Variants in TJP2 observed in about 807,000 individuals in gnomAD.
The protein encoded by TJP2 is Friedreich ataxia region gene X104 (tight junction protein ZO-2).
In TJP2, 91 loss-of-function variants were observed where a neutral mutation model predicts 133.1. The ratio of observed to expected loss-of-function variants is 0.68; its 90% CI spans 0.58 to 0.81. TJP2 has a LOEUF of 0.81. TJP2 is among the 40% of genes least tolerant of loss of function. TJP2 has a pLI of 0.00. For missense variants in TJP2, 1,541 were observed against 1,565.6 expected (o/e 0.98, Z 0.26); for synonymous variants, 592 against 583.4 (o/e 1.01, Z -0.21).
chr9:69,229,044 G>A (rs759325899), intron 9 of TJP2, 140 bp from the exon 10 acceptor site: 45 of 783,236 alleles, frequency 5.7e-5, no homozygotes, highest in Non-Finnish European at 8.9e-5. Context: ...AGAGTTAAAC[G>A]GCACTTTAGA....
intron 1 of TJP2, among the ~76,000 whole-genome samples, chr9:69,176,699 C>A (rs901006644): frequency 6.6e-6 from 1 of 152,172 alleles, no homozygotes; most frequent in Admixed American, 6.6e-5. Context: ...AACTTTTGAT[C>A]TAGTTCTTTG....
At chr9:69,173,915 T>G (rs1271674689), upstream of TJP2, 1 of 981,132 alleles carries the variant, frequency 1.0e-6, no homozygotes, top group Non-Finnish European at 1.2e-6. Flanking sequence ...CGGGACCTGC[T>G]TGCTCCAGTG....
intron 19 of TJP2, 129 bp downstream of exon 19, chr9:69,248,353 GTC>G (rs1466685730): frequency 3.4e-6 from 5 of 1,450,240 alleles, no homozygotes; most frequent in South Asian, 1.5e-5. Flanking sequence ...CTTCCAGGGA[GTC>G]TCTCGCTTTG....
chr9:69,240,543 A>G (rs1830510222), intron 17 of TJP2, among the ~76,000 whole-genome samples: 1 of 152,234 alleles, frequency 6.6e-6, no homozygotes, highest in African/African-American at 2.4e-5. Context: ...TTATTTAAAA[A>G]TATTCCTGTC....
intron 1 of TJP2, among the ~76,000 whole-genome samples, chr9:69,185,680 A>G (rs1183034646): frequency 6.6e-6 from 1 of 152,168 alleles, no homozygotes; most frequent in Non-Finnish European, 1.5e-5. Flanking sequence ...AAGGTAATAT[A>G]TAAATCTGGC....
At chr9:69,219,347 A>G (rs1828633911) in intron 4 of TJP2, among the ~76,000 whole-genome samples, 1 of 152,188 alleles carries the variant, frequency 6.6e-6, no homozygotes, top group Admixed American at 6.5e-5. Flanking sequence ...AGATCAGTGT[A>G]ATAAACATTT....
chr9:69,195,314 A>C (rs940313179), intron 1 of TJP2, among the ~76,000 whole-genome samples: 11 of 152,128 alleles, frequency 7.2e-5, no homozygotes. Context: ...CTTTTGGCTT[A>C]TTAATGGCTT....
rs533192185 is a variant in TJP2 at position 69,158,828 on chromosome 9, G to T, written c.-10+7057G>T. Among the ~76,000 whole-genome samples the T allele has an allele frequency of 1.1e-4, 16 of 152,120 alleles. No individual in the cohort carries two copies. In the South Asian group the frequency reaches 1.7e-3, roughly 16 times the overall value. ...ATTTGCTTCTAGTTCTGGCTGGAAT[G>T]GGGGGGTTCTTCACTCACATCGGTT... On this transcript the variant is annotated intron_variant, in intron 2 of 5. Coordinates refer to the TJP2 transcript ENST00000423935.
chr9:69,171,777 T>C (rs1259474460), upstream of TJP2, among the ~76,000 whole-genome samples: 1 of 149,212 alleles, frequency 6.7e-6, no homozygotes, highest in Non-Finnish European at 1.5e-5. Context: ...TAAGTACCTG[T>C]TGAGTAGAAG....
At chr9:69,248,463 C>G in intron 19 of TJP2, 3 of 1,355,598 alleles carry the variant, frequency 2.2e-6, no homozygotes, top group Non-Finnish European at 2.9e-6. Flanking sequence ...CCCATGCCCT[C>G]AGGTGCGATG....
In TJP2 at chr9:69,254,924, T is replaced by C. The variant is rs1831593077; in HGVS notation, c.*550T>C. 1 of 334,272 alleles carries C rather than the reference T, an allele frequency of 3.0e-6. No individual in the cohort carries two copies. Among genetic ancestry groups the C allele is most frequent in the African/African-American group, 2.1e-5 (1 of 47,438 alleles). 20.7% of individuals were successfully genotyped at this position (334,272 alleles called of 1,614,324 possible). A position where few individuals can be genotyped will look rare whatever the true frequency, so the allele number is the denominator to read the frequency against. On this transcript the variant is annotated 3_prime_UTR_variant, in exon 23 of 23. Transcript: ENST00000377245. ...ATTTTGACTAAGTTTTTATACCAGCTTAATAGCTGTAGTTTTCCCTGCACT... is the reference window on the plus strand; with the variant it reads ...ATTTTGACTAAGTTTTTATACCAGCCTAATAGCTGTAGTTTTCCCTGCACT...
intron 1 of TJP2, among the ~76,000 whole-genome samples, chr9:69,176,941 T>C (rs1021998913): frequency 6.6e-6 from 1 of 152,118 alleles, no homozygotes; most frequent in South Asian, 2.1e-4. Context: ...GCAGACTTGG[T>C]TGGGGAGAGG....
chr9:69,252,959 G>C (rs892894890), intron 22 of TJP2, 59 bp downstream of exon 22: 7 of 1,529,658 alleles, frequency 4.6e-6, no homozygotes, highest in Non-Finnish European at 6.3e-6. Context: ...ACTGGGACTT[G>C]AAGAAAGAAT....
chr9:69,245,574 G>GT (rs1830865218), intron 17 of TJP2, among the ~76,000 whole-genome samples: 1 of 152,212 alleles, frequency 6.6e-6, no homozygotes, highest in Non-Finnish European at 1.5e-5. Context: ...GCCATGTAGT[G>GT]TGGTGGCTGA....
chr9:69,143,289 T>C (rs915657530), intron 1 of TJP2, among the ~76,000 whole-genome samples: 20 of 152,242 alleles, frequency 1.3e-4, no homozygotes, highest in African/African-American at 4.8e-4. Flanking sequence ...ATGTCACTTT[T>C]CACTGCAGGA....
At chr9:69,201,579 T>C (rs546499285) in intron 1 of TJP2, among the ~76,000 whole-genome samples, 1 of 152,276 alleles carries the variant, frequency 6.6e-6, no homozygotes, top group Admixed American at 6.5e-5. Context: ...TCTTCATTTG[T>C]TCCTCAGAGC....
intron 2 of TJP2, among the ~76,000 whole-genome samples, chr9:69,216,119 C>A (rs952015050): frequency 6.6e-6 from 1 of 152,158 alleles, no homozygotes; most frequent in Non-Finnish European, 1.5e-5. Flanking sequence ...TCTTTTCCAG[C>A]CTCTACAGGC....
At chr9:69,196,252 C>G (rs897631958) in intron 1 of TJP2, among the ~76,000 whole-genome samples, 3 of 152,200 alleles carry the variant, frequency 2.0e-5, no homozygotes, top group African/African-American at 7.2e-5. Context: ...TCACACCAGC[C>G]TGAGTTAGAA....
At chr9:69,218,769 T>C (rs193178260) in intron 4 of TJP2, among the ~76,000 whole-genome samples, 59 of 152,354 alleles carry the variant, frequency 3.9e-4, no homozygotes, top group African/African-American at 1.3e-3. Context: ...TAATCTTCAT[T>C]CATCTATTCC....
Sources: allele counts gnomAD v4.1 joint callset (sites outside exome capture counted in the v4.1 genomes callset), GRCh38; gene constraint gnomAD v4.1.1; transcripts MANE v1.5; gene names NCBI Gene and HGNC (gene_info 2026-07-23, HGNC 2026-07-21).